The following ANO3 variants were observed in gnomAD, a reference collection of about 807,000 sequenced individuals.
The protein encoded by ANO3 is anoctamin-3.
A neutral mutation model predicts 144.8 loss-of-function variants in ANO3; 99 were observed. The observed-to-expected ratio is 0.68, with a 90% CI of 0.58 to 0.81. ANO3 has a LOEUF of 0.81. Ranked by LOEUF, ANO3 falls within the 30% of genes least tolerant of loss-of-function variation. ANO3 has a pLI of 0.00. For synonymous variants in ANO3, 414 were observed against 392.6 expected (o/e 1.05, Z -0.64); for missense variants, 905 against 1,202.2 (o/e 0.75, Z 3.66).
chr11:26,406,385 G>C (rs1040259455), intron 1 of ANO3, among the ~76,000 whole-genome samples: 2 of 151,808 alleles, frequency 1.3e-5, no homozygotes, highest in Admixed American at 1.3e-4. Flanking sequence ...GTTTCAACAT[G>C]AATTTTGGAG....
intron 14 of ANO3, chr11:26,563,179 A>G (rs1429694301): frequency 6.2e-7 from 1 of 1,612,514 alleles, no homozygotes; most frequent in African/African-American, 1.3e-5. Context: ...CTTTTTCCAC[A>G]CAACAAGTAG....
At chr11:26,240,756 G>C (rs981468535) in intron 1 of ANO3, among the ~76,000 whole-genome samples, 2 of 152,188 alleles carry the variant, frequency 1.3e-5, no homozygotes, top group East Asian at 3.9e-4. Context: ...CCTTGACCCA[G>C]GAATTCGCCC....
At chr11:26,526,277 C>G (rs985812442) in intron 7 of ANO3, among the ~76,000 whole-genome samples, 4 of 152,120 alleles carry the variant, frequency 2.6e-5, no homozygotes, top group Non-Finnish European at 5.9e-5. Flanking sequence ...AGGAGTCAAT[C>G]AAACCACTAC....
chr11:26,276,707 C>T (rs192536244), intron 1 of ANO3, among the ~76,000 whole-genome samples: 87 of 152,170 alleles, frequency 5.7e-4, no homozygotes, highest in African/African-American at 2.1e-3. Flanking sequence ...TTGAAATATG[C>T]TCCTATCTCT....
rs762946296 is a variant in ANO3, at chr11:26,508,171, T to C, written c.500T>C (p.Ile167Thr). Residue 167 changes from isoleucine (I) to threonine (T), a missense_variant, in exon 5 of 27, where the codon ATC (isoleucine) becomes ACC (threonine). Ile to Thr is a moderately conservative substitution (Grantham distance 89). Coordinates refer to ENST00000256737, the MANE Select transcript of ANO3 (RefSeq NM_031418.4). ...FKDGKKRIDY[I>T]LVYRKTNIQY... is the part of the protein sequence containing the mutation. The stretch of plus-strand genomic sequence containing the variant: ...GATGGCAAAAAGAGAATTGATTACA[T>C]CTTGGTTTATAGAAAGACAAATATA... 1 of 1,604,740 alleles carries C rather than the reference T, an allele frequency of 6.2e-7. No homozygotes were observed. The highest frequency in any genetic ancestry group is 2.3e-5 in the East Asian group (1 of 44,382).
chr11:26,644,567 T>G (rs1048830182), intron 23 of ANO3, among the ~76,000 whole-genome samples: 1 of 152,206 alleles, frequency 6.6e-6, no homozygotes. Context: ...CAATTTACAC[T>G]GTCATCATAA....
chr11:26,657,807 T>C (rs1853740237), intron 26 of ANO3, among the ~76,000 whole-genome samples: 1 of 152,158 alleles, frequency 6.6e-6, no homozygotes, highest in African/African-American at 2.4e-5. Flanking sequence ...AGCCATGAGA[T>C]TGATCCACGT....
intron 14 of ANO3, among the ~76,000 whole-genome samples, chr11:26,598,094 A>G (rs1851690286): frequency 6.6e-6 from 1 of 152,182 alleles, no homozygotes. Context: ...GCTCAGTAAT[A>G]TTGATTGCAT....
intron 1 of ANO3, among the ~76,000 whole-genome samples, chr11:26,413,060 TTTTTTG>T: frequency 6.6e-6 from 1 of 152,018 alleles, no homozygotes; most frequent in South Asian, 2.1e-4. Flanking sequence ...CTGGAACATA[TTTTTTG>T]TGCCTCAGAA....
intron 1 of ANO3, among the ~76,000 whole-genome samples, chr11:26,262,402 A>G (rs1380884551): frequency 6.6e-6 from 1 of 152,054 alleles, no homozygotes; most frequent in African/African-American, 2.4e-5. Flanking sequence ...CCAGTAACCC[A>G]CTATGCTTGT....
At chr11:26,509,605 G>A (rs866519076) in intron 5 of ANO3, among the ~76,000 whole-genome samples, 4 of 152,052 alleles carry the variant, frequency 2.6e-5, no homozygotes, top group Non-Finnish European at 4.4e-5. Flanking sequence ...GAGCTCCTGC[G>A]CCCGGCGCTA....
In ANO3 at chr11:26,507,957, T is replaced by A. The variant is rs1861502862; in HGVS notation, c.433-147T>A. Reference sequence around the variant, plus strand: ...CTCCTATAGTAGATTGTAAACACTCTTTAATTCTATTTCCATATCTCATGG... The same window carrying A: ...CTCCTATAGTAGATTGTAAACACTCATTAATTCTATTTCCATATCTCATGG... On this transcript the variant is annotated intron_variant, in intron 4 of 26. Transcript: ENST00000256737. 1.4e-5 allele frequency: 10 copies of A among 696,956 alleles called. No individual in the cohort carries two copies. In the South Asian group the frequency reaches 2.4e-4, roughly 17 times the overall value. 43.2% of individuals were successfully genotyped at this position (696,956 alleles called of 1,614,324 possible). A position where few individuals can be genotyped will look rare whatever the true frequency, so the allele number is the denominator to read the frequency against.
chr11:26,520,138 C>T (rs546634393), intron 6 of ANO3, among the ~76,000 whole-genome samples: 5 of 152,216 alleles, frequency 3.3e-5, no homozygotes, highest in Admixed American at 3.3e-4. Context: ...TGTTTCTCTT[C>T]CTAAGAAGTA....
At chr11:26,441,660 C>A (rs930949589) in intron 1 of ANO3, among the ~76,000 whole-genome samples, 2 of 152,084 alleles carry the variant, frequency 1.3e-5, no homozygotes, top group African/African-American at 4.8e-5. Context: ...ACATCAGTTT[C>A]TTTTTTCACA....
chr11:26,197,408 G>A (rs1387264627), intron 1 of ANO3, among the ~76,000 whole-genome samples: 1 of 152,096 alleles, frequency 6.6e-6, no homozygotes, highest in Non-Finnish European at 1.5e-5. Context: ...GAGTGCAGTG[G>A]CGCAATCTCG....
At chr11:26,396,485 A>T (rs74601969) in intron 1 of ANO3, among the ~76,000 whole-genome samples, 5 of 151,932 alleles carry the variant, frequency 3.3e-5, no homozygotes, top group Non-Finnish European at 5.9e-5. Flanking sequence ...CTATAAAGAC[A>T]CGTGCACACA....
chr11:26,291,111 T>C (rs985203881), intron 1 of ANO3, among the ~76,000 whole-genome samples: 1 of 152,224 alleles, frequency 6.6e-6, no homozygotes, highest in African/African-American at 2.4e-5. Flanking sequence ...GGTGCATATA[T>C]ATTTAGGATA....
intron 1 of ANO3, among the ~76,000 whole-genome samples, chr11:26,303,319 TA>T (rs560496484): frequency 2.1e-4 from 31 of 149,718 alleles, no homozygotes; most frequent in Middle Eastern, 3.4e-3. Flanking sequence ...TGGACTGATT[TA>T]AAAAAAAAAT....
chr11:26,578,676 GT>G (rs1851053271), intron 14 of ANO3, among the ~76,000 whole-genome samples: 1 of 152,162 alleles, frequency 6.6e-6, no homozygotes, highest in East Asian at 1.9e-4. Flanking sequence ...GATTATATTA[GT>G]CTCGATAGAC....
Sources: allele counts gnomAD v4.1 joint callset (sites outside exome capture counted in the v4.1 genomes callset), GRCh38; gene constraint gnomAD v4.1.1; transcripts MANE v1.5; gene names NCBI Gene and HGNC (gene_info 2026-07-23, HGNC 2026-07-21).